Variants in GALNT14 observed in about 807,000 individuals in gnomAD.
GALNT14 encodes the protein polypeptide N-acetylgalactosaminyltransferase 14.
A neutral mutation model predicts 77.5 loss-of-function variants in GALNT14; 60 were observed. That is an observed-to-expected ratio of 0.77 (90% CI 0.63 to 0.96). The LOEUF (loss-of-function observed/expected upper bound fraction) is 0.96, where lower values mean the gene tolerates loss of function less well. Ranked by LOEUF, GALNT14 falls within the 40% of genes least tolerant of loss-of-function variation. The pLI, the probability that GALNT14 is intolerant of heterozygous loss-of-function variation, is 0.00. For missense variants in GALNT14, 710 were observed against 731.0 expected, an observed-to-expected ratio of 0.97 and a Z score of 0.33; for synonymous variants, 280 against 281.7, an observed-to-expected ratio of 0.99 and a Z score of 0.06.
Position 30,910,722 on chromosome 2 carries a change from G to T in GALNT14, c.*179C>A. Reference sequence around the variant, plus strand: ...TGGGATTTGTCTTTGAGCCCCATTGGCTTGTGATGTTTTCCTCTGTCCTCC... The same window carrying T: ...TGGGATTTGTCTTTGAGCCCCATTGTCTTGTGATGTTTTCCTCTGTCCTCC... On this transcript the variant is annotated 3_prime_UTR_variant, in exon 15 of 15. Coordinates refer to ENST00000349752, the MANE Select transcript of GALNT14 (RefSeq NM_024572.4). 1 of 601,956 alleles carries T rather than the reference G, an allele frequency of 1.7e-6. No homozygotes were observed. Among genetic ancestry groups the T allele is most frequent in the Non-Finnish European group, 2.8e-6 (1 of 351,990 alleles). The allele number at this position is 601,956 out of a possible 1,614,324, so 37.3% of individuals were successfully genotyped here. A position where few individuals can be genotyped will look rare whatever the true frequency, so the allele number is the denominator to read the frequency against.
intron 1 of GALNT14, among the ~76,000 whole-genome samples, chr2:31,016,467 G>A (rs1365431210): frequency 6.6e-6 from 1 of 152,004 alleles, no homozygotes; most frequent in Non-Finnish European, 1.5e-5. Context: ...CTAGAAACTG[G>A]GACTAAACAG....
intron 1 of GALNT14, among the ~76,000 whole-genome samples, chr2:31,094,480 A>C (rs1676906733): frequency 6.6e-6 from 1 of 152,202 alleles, no homozygotes; most frequent in South Asian, 2.1e-4. Context: ...GGAGGCCATA[A>C]CTGTTTGTGT....
At chr2:30,926,443 T>A (rs932675027) in intron 11 of GALNT14, among the ~76,000 whole-genome samples, 1 of 152,120 alleles carries the variant, frequency 6.6e-6, no homozygotes, top group Non-Finnish European at 1.5e-5. Flanking sequence ...GAGTTGGAGG[T>A]ACCAGGGAGA....
At chr2:31,132,202 C>T (rs1679027810) in intron 1 of GALNT14, among the ~76,000 whole-genome samples, 1 of 152,184 alleles carries the variant, frequency 6.6e-6, no homozygotes. Context: ...GAGGCCTGGA[C>T]TCCGGGCCTT....
intron 1 of GALNT14, chr2:31,129,507 A>T: frequency 1.0e-6 from 1 of 985,472 alleles, no homozygotes; most frequent in Non-Finnish European, 1.2e-6. Flanking sequence ...TCAATTGGCC[A>T]TCTATTAATA....
chr2:30,945,886 C>G lies in GALNT14; in HGVS notation c.655-16G>C, dbSNP rs754623802. On this transcript the variant is annotated splice_polypyrimidine_tract_variant and intron_variant, in intron 6 of 14. Transcript: ENST00000349752. ...GCGTGTAGTCCTGTAAGACAACAGA[C>G]CCGCACTTAGCTTATGGAGAGGAGC... The G allele has an allele frequency of 1.9e-6, 3 of 1,611,472 alleles. No homozygotes were observed. Among genetic ancestry groups the G allele is most frequent in the Non-Finnish European group, 2.5e-6 (3 of 1,177,734 alleles).
chr2:31,094,294 C>G (rs1676896097), intron 1 of GALNT14, among the ~76,000 whole-genome samples: 1 of 152,214 alleles, frequency 6.6e-6, no homozygotes, highest in African/African-American at 2.4e-5. Context: ...AACATTGTTC[C>G]TAACTCCACT....
intron 4 of GALNT14, 30 bp from the exon 5 acceptor site, chr2:30,956,007 G>A (rs764224936): frequency 1.9e-6 from 3 of 1,612,010 alleles, no homozygotes; most frequent in African/African-American, 1.3e-5. Context: ...AGCCAATTGA[G>A]CGCCCAGGGA....
chr2:31,079,337 A>C (rs1676013116), intron 1 of GALNT14, among the ~76,000 whole-genome samples: 1 of 152,136 alleles, frequency 6.6e-6, no homozygotes, highest in African/African-American at 2.4e-5. Context: ...TGGAAGATGC[A>C]CCTGAATGTG....
intron 1 of GALNT14, among the ~76,000 whole-genome samples, chr2:31,127,658 T>C (rs201746279): frequency 1.3e-5 from 2 of 152,340 alleles, no homozygotes; most frequent in East Asian, 3.9e-4. Flanking sequence ...ATGTAGGAGT[T>C]GAATTGCAGG....
At chr2:30,889,435 G>A in the GALNT14 span, among the ~76,000 whole-genome samples, 1 of 152,230 alleles carries the variant, frequency 6.6e-6, no homozygotes, top group Middle Eastern at 3.4e-3. Context: ...AACAACCCAG[G>A]TGTGCCACCC....
chr2:30,996,377 T>C (rs886785444), intron 1 of GALNT14, among the ~76,000 whole-genome samples: 1 of 152,202 alleles, frequency 6.6e-6, no homozygotes, highest in African/African-American at 2.4e-5. Flanking sequence ...TGGCCACACG[T>C]GGAGGACAAG....
chr2:31,006,397 G>A (rs1670676344), intron 1 of GALNT14, among the ~76,000 whole-genome samples: 1 of 152,054 alleles, frequency 6.6e-6, no homozygotes. Context: ...TCTATCCTAA[G>A]AATGTCCCTC....
At chr2:31,127,394 G>A (rs899814296) in intron 1 of GALNT14, among the ~76,000 whole-genome samples, 1 of 152,186 alleles carries the variant, frequency 6.6e-6, no homozygotes, top group African/African-American at 2.4e-5. Context: ...AATACTTCAT[G>A]CGATGTGAAA....
At chr2:30,982,165 A>G (rs1648961800) in intron 2 of GALNT14, among the ~76,000 whole-genome samples, 1 of 152,206 alleles carries the variant, frequency 6.6e-6, no homozygotes. Flanking sequence ...AATTTAAACC[A>G]CAATAAGACA....
intron 3 of GALNT14, among the ~76,000 whole-genome samples, chr2:30,965,653 G>C (rs962527901): frequency 6.6e-6 from 1 of 152,186 alleles, no homozygotes; most frequent in Admixed American, 6.5e-5. Context: ...GCAAGAACAC[G>C]ACCCAGAGGA....
At chr2:31,105,042 G>C (rs1378831048) in intron 1 of GALNT14, among the ~76,000 whole-genome samples, 1 of 152,198 alleles carries the variant, frequency 6.6e-6, no homozygotes, top group African/African-American at 2.4e-5. Flanking sequence ...CGGTGACCAA[G>C]TGGTGAATAT....
At chr2:31,036,627 C>A (rs781077758) in intron 1 of GALNT14, among the ~76,000 whole-genome samples, 3 of 152,184 alleles carry the variant, frequency 2.0e-5, no homozygotes, top group Non-Finnish European at 4.4e-5. Context: ...ATTTGAGTTA[C>A]TGCCTACTGT....
At chr2:31,123,465 T>C (rs1170117323) in intron 1 of GALNT14, among the ~76,000 whole-genome samples, 1 of 152,200 alleles carries the variant, frequency 6.6e-6, no homozygotes, top group African/African-American at 2.4e-5. Context: ...GCCTATTCCC[T>C]ATCCTGATGC....
Sources: allele counts gnomAD v4.1 joint callset (sites outside exome capture counted in the v4.1 genomes callset), GRCh38; gene constraint gnomAD v4.1.1; transcripts MANE v1.5; gene names NCBI Gene and HGNC (gene_info 2026-07-23, HGNC 2026-07-21).